FGF12: variants seen among roughly 807,000 people sequenced by gnomAD.
FGF12 encodes the protein fibroblast growth factor 12B.
Under a neutral mutation model 23.6 loss-of-function variants are expected in FGF12, and 14 were observed. That is an observed-to-expected ratio of 0.59 (90% CI 0.39 to 0.93). FGF12 has a LOEUF of 0.93. FGF12 is among the 40% of genes least tolerant of loss of function. FGF12 has a pLI of 0.00. For synonymous variants in FGF12, 62 were observed against 77.3 expected (o/e 0.80, Z 1.04); for missense variants, 175 against 217.8 (o/e 0.80, Z 1.24).
chr3:192,265,159 C>T (rs1409551651), intron 4 of FGF12: 2 of 152,136 alleles, frequency 1.3e-5, no homozygotes, highest in East Asian at 3.8e-4. Flanking sequence ...ACTTTGCTCA[C>T]TTTAAGAGTT....
intron 4 of FGF12, among the ~76,000 whole-genome samples, chr3:192,263,661 T>C (rs912057146): frequency 1.3e-5 from 2 of 151,992 alleles, no homozygotes; most frequent in Non-Finnish European, 2.9e-5. Flanking sequence ...TGCAGCCAAG[T>C]TGAGAAACAT....
intron 4 of FGF12, among the ~76,000 whole-genome samples, chr3:192,270,364 T>C (rs952145123): frequency 1.3e-5 from 2 of 152,156 alleles, no homozygotes; most frequent in African/African-American, 4.8e-5. Flanking sequence ...TTTCTTGAAA[T>C]TCTCCACTCA....
intron 3 of FGF12, among the ~76,000 whole-genome samples, chr3:192,349,347 T>C (rs945287685): frequency 2.0e-5 from 3 of 152,086 alleles, no homozygotes; most frequent in Non-Finnish European, 4.4e-5. Context: ...TTCAGGAATT[T>C]TAAAGTGATC....
intron 4 of FGF12, among the ~76,000 whole-genome samples, chr3:192,187,777 GAAAGAAA>G (rs941637324): frequency 1.1e-4 from 16 of 150,992 alleles, no homozygotes; most frequent in African/African-American, 2.4e-4. Flanking sequence ...AGAACAGATG[GAAAGAAA>G]AAAGAAAAAA....
chr3:192,704,891 C>T (rs1052009626), intron 2 of FGF12, among the ~76,000 whole-genome samples: 1 of 152,212 alleles, frequency 6.6e-6, no homozygotes, highest in Non-Finnish European at 1.5e-5. Context: ...TGGCTTCTTT[C>T]CTTAAACCTC....
intron 2 of FGF12, among the ~76,000 whole-genome samples, chr3:192,374,782 G>T (rs2108746795): frequency 6.6e-6 from 1 of 152,244 alleles, no homozygotes; most frequent in East Asian, 1.9e-4. Flanking sequence ...GGGCTGTAAA[G>T]ATTTGAGCGC....
At chr3:192,520,004 C>T (rs7651131) in intron 2 of FGF12, among the ~76,000 whole-genome samples, 16,426 of 152,142 alleles carry the variant, frequency 0.11, 2,803 homozygotes, top group African/African-American at 0.36. Flanking sequence ...CTACCCTAGC[C>T]CTGGATTCAA....
chr3:192,354,751 G>C (rs1021023432), intron 3 of FGF12, among the ~76,000 whole-genome samples: 3 of 152,140 alleles, frequency 2.0e-5, no homozygotes, highest in African/African-American at 7.2e-5. Context: ...TGTCACCCAG[G>C]CTGGAATACA....
At chr3:192,195,073 C>G (rs1338039436) in intron 4 of FGF12, among the ~76,000 whole-genome samples, 1 of 152,206 alleles carries the variant, frequency 6.6e-6, no homozygotes, top group Non-Finnish European at 1.5e-5. Context: ...AACTAGGATG[C>G]AGATTGGCAG....
At chr3:192,341,733 T>C (rs1183666728) in intron 3 of FGF12, among the ~76,000 whole-genome samples, 3 of 152,110 alleles carry the variant, frequency 2.0e-5, no homozygotes, top group Non-Finnish European at 4.4e-5. Flanking sequence ...TGACTGTCTA[T>C]TTTTTCAGGC....
At chr3:192,170,719 C>T in intron 4 of FGF12, 63 bp from the exon 5 acceptor site, 1 of 1,391,296 alleles carries the variant, frequency 7.2e-7, no homozygotes, top group Non-Finnish European at 9.9e-7. Flanking sequence ...TCAGCAAATG[C>T]TTAAATCCAA....
In FGF12 at chr3:192,213,112, G is replaced by A. The variant is rs900500988; in HGVS notation, c.229-42456C>T. 3.3e-5 allele frequency among the ~76,000 whole-genome samples: 5 copies of A among 152,218 alleles called. No individual in the cohort carries two copies. The South Asian group carries it at 8.3e-4, about 25-fold the overall frequency. ...TGCACAAGAAGGTTCCTCACAGAAC[G>A]TGCTTACGCTTCTGGGCAAGAAAAC... On this transcript the variant is annotated intron_variant, in intron 4 of 5. Coordinates refer to ENST00000445105, the MANE Select transcript of FGF12 (RefSeq NM_004113.6).
At chr3:192,698,654 T>A (rs1718202266) in intron 2 of FGF12, among the ~76,000 whole-genome samples, 1 of 152,148 alleles carries the variant, frequency 6.6e-6, no homozygotes, top group South Asian at 2.1e-4. Flanking sequence ...AATACAAAAA[T>A]TTAATGAATC....
intron 2 of FGF12, among the ~76,000 whole-genome samples, chr3:192,449,941 T>C (rs2108801126): frequency 6.6e-6 from 1 of 152,330 alleles, no homozygotes; most frequent in African/African-American, 2.4e-5. Flanking sequence ...TAGAATTCTT[T>C]GTACTTCTTA....
chr3:192,718,144 T>G (rs936708850), intron 2 of FGF12, among the ~76,000 whole-genome samples: 3 of 151,154 alleles, frequency 2.0e-5, no homozygotes, highest in Non-Finnish European at 2.9e-5. Flanking sequence ...CTGTTTGTCA[T>G]TATTCTGTTA....
chr3:192,361,169 CAAAAAAAAAAA>C (rs10651290), intron 2 of FGF12, among the ~76,000 whole-genome samples: 104 of 98,766 alleles, frequency 1.1e-3, no homozygotes, highest in African/African-American at 4.0e-3. Context: ...TTCTCCAGTA[CAAAAAAAAAAA>C]AAAAAAAAAA....
intron 2 of FGF12, among the ~76,000 whole-genome samples, chr3:192,485,421 G>A (rs1158497208): frequency 2.0e-5 from 3 of 152,154 alleles, no homozygotes; most frequent in African/African-American, 4.8e-5. Context: ...ACAGTAAGAA[G>A]ACATTTTACT....
chr3:192,534,006 TC>T lies in FGF12; in HGVS notation c.14-173469del, dbSNP rs1725163307. ...TAAGATGACAGGGTTTTTTTTTTTTTCATATCAGATGGGTAATGTGCCGATG... is the reference window on the plus strand; with the variant it reads ...TAAGATGACAGGGTTTTTTTTTTTTTATATCAGATGGGTAATGTGCCGATG... On this transcript the variant is annotated intron_variant, in intron 2 of 5. Coordinates refer to ENST00000445105, the MANE Select transcript of FGF12 (RefSeq NM_004113.6). The T allele has an allele frequency of 1.9e-5, 3 of 155,342 alleles. No individual in the cohort carries two copies. The South Asian group carries it at 5.7e-4, about 30-fold the overall frequency. The allele number at this position is 155,342 out of a possible 1,614,324, so 9.6% of individuals were successfully genotyped here. A position where few individuals can be genotyped will look rare whatever the true frequency, so the allele number is the denominator to read the frequency against.
At chr3:192,453,909 T>C (rs1722602218) in intron 2 of FGF12, among the ~76,000 whole-genome samples, 1 of 152,236 alleles carries the variant, frequency 6.6e-6, no homozygotes, top group African/African-American at 2.4e-5. Context: ...GTATAATATC[T>C]ATGTAAATAA....
Sources: allele counts gnomAD v4.1 joint callset (sites outside exome capture counted in the v4.1 genomes callset), GRCh38; gene constraint gnomAD v4.1.1; transcripts MANE v1.5; gene names NCBI Gene and HGNC (gene_info 2026-07-23, HGNC 2026-07-21).